AP1B1: variants seen among roughly 807,000 people sequenced by gnomAD.
AP1B1 encodes the protein adaptor related protein complex 1 subunit beta 1.
A neutral mutation model predicts 104.3 loss-of-function variants in AP1B1; 36 were observed. The observed-to-expected ratio is 0.35, with a 90% CI of 0.26 to 0.46. AP1B1 has a LOEUF of 0.46. Among genes scored for constraint, AP1B1 ranks in the 20% least tolerant of loss-of-function variants. AP1B1 has a pLI of 1.00. For missense variants in AP1B1, 901 were observed against 1,247.9 expected (o/e 0.72, Z 4.19); for synonymous variants, 504 against 517.5 (o/e 0.97, Z 0.35).
rs976283229 is a variant in AP1B1 at position 29,345,348 on chromosome 22, C to T, written c.1438-2965G>A. Among the ~76,000 whole-genome samples, 5 of 146,984 alleles carry T rather than the reference C, an allele frequency of 3.4e-5. No homozygotes were observed. In the Admixed American group the frequency reaches 3.4e-4, roughly 10 times the overall value. On this transcript the variant is annotated intron_variant, in intron 11 of 22. Coordinates refer to ENST00000357586, the MANE Select transcript of AP1B1 (RefSeq NM_001127.4). The stretch of plus-strand genomic sequence containing the variant: ...GCTGGGTTACAGGCATGAGCTGCTG[C>T]ACCCAGTTAACAAGTTTTGTTTTGT...
chr22:29,333,148 C>T (rs1424013675), intron 17 of AP1B1: 1 of 154,692 alleles, frequency 6.5e-6, no homozygotes, highest in Non-Finnish European at 1.5e-5. Context: ...GACCTACTGG[C>T]CCCCAGGCTT....
intron 11 of AP1B1, among the ~76,000 whole-genome samples, chr22:29,347,320 A>G (rs1400860062): frequency 1.3e-5 from 2 of 152,220 alleles, no homozygotes; most frequent in Admixed American, 1.3e-4. Flanking sequence ...AGTGTTTATT[A>G]TGGGCTGGCC....
chr22:29,366,293 A>C (rs1299897443), intron 2 of AP1B1, among the ~76,000 whole-genome samples: 2 of 152,222 alleles, frequency 1.3e-5, no homozygotes, highest in African/African-American at 4.8e-5. Context: ...AATTGTTGGG[A>C]AATGTTTATG....
intron 11 of AP1B1, among the ~76,000 whole-genome samples, 173 bp downstream of exon 11, chr22:29,349,045 G>A (rs368472475): frequency 7.9e-5 from 12 of 152,280 alleles, no homozygotes; most frequent in African/African-American, 1.7e-4. Flanking sequence ...TCCCCGACTC[G>A]ACTGTACTGC....
At chr22:29,354,477 C>T (rs373943038) in intron 7 of AP1B1, among the ~76,000 whole-genome samples, 173 bp downstream of exon 7, 56 of 152,284 alleles carry the variant, frequency 3.7e-4, no homozygotes, top group African/African-American at 1.3e-3. Flanking sequence ...TCTCCAGACA[C>T]CACCAAATAT....
chr22:29,362,516 T>C (rs1315589512), intron 3 of AP1B1, among the ~76,000 whole-genome samples: 1 of 152,020 alleles, frequency 6.6e-6, no homozygotes, highest in Non-Finnish European at 1.5e-5. Flanking sequence ...CCGGCTACTT[T>C]TTGTATTTTT....
Position 29,328,786 on chromosome 22 carries a change from C to A in AP1B1, c.*35G>T. The A allele has an allele frequency of 6.3e-7, 1 of 1,588,006 alleles. No individual in the cohort carries two copies. Among genetic ancestry groups the A allele is most frequent in the South Asian group, 1.1e-5 (1 of 86,966 alleles). On this transcript the variant is annotated 3_prime_UTR_variant, in exon 23 of 23. Coordinates refer to ENST00000357586, the MANE Select transcript of AP1B1 (RefSeq NM_001127.4). This position sits in a 1 kb window ranked among gnomAD's most constrained non-coding sequence, Gnocchi z 4.1. The stretch of plus-strand genomic sequence containing the variant: ...CCCCCGAGGGGCCTCCTCGATGGGG[C>A]GGGCAGAAGGCTGGGGTGGGCGCTG...
At chr22:29,338,207 T>C (rs2061665273) in intron 16 of AP1B1, among the ~76,000 whole-genome samples, 1 of 152,250 alleles carries the variant, frequency 6.6e-6, no homozygotes, top group African/African-American at 2.4e-5. Flanking sequence ...ATTTTCTGCA[T>C]GGTTTCAACA....
rs1210947816 is a variant in AP1B1 at position 29,350,040 on chromosome 22, G to A, written c.1266C>T (p.Pro422=). 1.2e-6 allele frequency: 2 copies of A among 1,613,798 alleles called. No individual in the cohort carries two copies. Among genetic ancestry groups the A allele is most frequent in the Non-Finnish European group, 1.7e-6 (2 of 1,179,768 alleles). ...VVIKDIFRKY[P]NKYESVIATL... The stretch of plus-strand genomic sequence containing the variant: ...CTAGGAGGGCGGGCACGCACTTGTT[G>A]GGGTACTTGCGGAAGATGTCCTTGA... Residue 422 remains proline (P), a synonymous_variant, in exon 10 of 23, where the codon CCC becomes CCT. Coordinates refer to ENST00000357586, the MANE Select transcript of AP1B1 (RefSeq NM_001127.4).
In AP1B1 at chr22:29,342,321, C is replaced by T. The variant is rs769984397; in HGVS notation, c.1500G>A (p.Gln500=). 55 of 1,614,026 alleles carry T rather than the reference C, an allele frequency of 3.4e-5. No individual in the cohort carries two copies. Among genetic ancestry groups the T allele is most frequent in the Non-Finnish European group, 4.5e-5 (53 of 1,180,026 alleles). ...KLFLKKPTET[Q]ELVQQVLSLA... Reference sequence around the variant, plus strand: ...AACTGAGGACCTGCTGCACCAGCTCCTGGGTCTCTGTTGGCTTCTTTAGAA... The same window carrying T: ...AACTGAGGACCTGCTGCACCAGCTCTTGGGTCTCTGTTGGCTTCTTTAGAA... Residue 500 remains glutamine (Q), a synonymous_variant, in exon 12 of 23, where the codon CAG becomes CAA. Coordinates refer to ENST00000357586, the MANE Select transcript of AP1B1 (RefSeq NM_001127.4).
chr22:29,354,444 C>G (rs770300439), intron 7 of AP1B1, among the ~76,000 whole-genome samples: 2 of 152,152 alleles, frequency 1.3e-5, no homozygotes, highest in Non-Finnish European at 2.9e-5. Context: ...AGCATGCCCC[C>G]CTCAGCTGTG....
chr22:29,376,112 G>T (rs1344863256), intron 1 of AP1B1, among the ~76,000 whole-genome samples: 1 of 152,008 alleles, frequency 6.6e-6, no homozygotes, highest in Admixed American at 6.5e-5. Context: ...TTTCCAAAGG[G>T]AAAAAAAGAG....
In AP1B1 at chr22:29,334,369, T is replaced by C. The variant is rs1602690876; in HGVS notation, c.2205A>G (p.Ser735=). 3 of 1,611,286 alleles carry C rather than the reference T, an allele frequency of 1.9e-6. No homozygotes were observed. The highest frequency in any genetic ancestry group is 4.5e-5 in the East Asian group (2 of 44,614). ...AGCCCACCTGGCGGGTGAAGGTGCCTGAGATCTCCAGCCCCTTAGCCTTCA... is the reference window on the plus strand; with the variant it reads ...AGCCCACCTGGCGGGTGAAGGTGCCCGAGATCTCCAGCCCCTTAGCCTTCA... The part of the protein sequence containing the change: ...PAMKAKGLEI[S]GTFTRQVGSI... The change falls in exon 17 of 23, where the codon TCA becomes TCG. Residue 735 remains serine (S), a synonymous_variant. Coordinates refer to ENST00000357586, the MANE Select transcript of AP1B1 (RefSeq NM_001127.4).
rs369326300 is a variant in AP1B1, at chr22:29,339,769, C to T, written c.2004G>A (p.Gly668=). The T allele has an allele frequency of 5.6e-6, 9 of 1,608,158 alleles. No homozygotes were observed. The Admixed American group carries it at 6.7e-5, about 12-fold the overall frequency. Residue 668 remains glycine (G), a synonymous_variant, in exon 15 of 23, where the codon GGG becomes GGA. Transcript: ENST00000357586. ...TGAACCATACCCCTTCAGGCTCATC[C>T]CCCATCTCCAAGCAGAAGCAGGCAG... The part of the protein sequence containing the change: ...LLGGGLDSLM[G]DEPEGIGGTN...
At chr22:29,366,692 C>T (rs1337241896) in intron 2 of AP1B1, among the ~76,000 whole-genome samples, 1 of 151,426 alleles carries the variant, frequency 6.6e-6, no homozygotes, top group African/African-American at 2.4e-5. Flanking sequence ...CCAGCAATTC[C>T]GGAGGCTGAG....
intron 11 of AP1B1, 56 bp downstream of exon 11, chr22:29,349,162 A>G: frequency 6.3e-7 from 1 of 1,592,130 alleles, no homozygotes; most frequent in East Asian, 2.2e-5. Context: ...AGTATGGGCC[A>G]CAGTGGGGCT....
At chr22:29,339,319 C>T (rs1454851382) in intron 15 of AP1B1, among the ~76,000 whole-genome samples, 186 bp from the exon 16 acceptor site, 1 of 152,132 alleles carries the variant, frequency 6.6e-6, no homozygotes, top group East Asian at 1.9e-4. Flanking sequence ...GCTGAGCCCT[C>T]CCGTGCCCTG....
chr22:29,378,791 G>A (rs1440060157), intron 1 of AP1B1, among the ~76,000 whole-genome samples: 1 of 148,584 alleles, frequency 6.7e-6, no homozygotes. Context: ...CTCAGGAGGC[G>A]GAGCTTGCAG....
chr22:29,343,990 A>C (rs2061751609), intron 11 of AP1B1, among the ~76,000 whole-genome samples: 1 of 151,976 alleles, frequency 6.6e-6, no homozygotes, highest in African/African-American at 2.4e-5. Flanking sequence ...AGGTACCTGT[A>C]ATCCCAGCTA....
Sources: allele counts gnomAD v4.1 joint callset (sites outside exome capture counted in the v4.1 genomes callset), GRCh38; gene constraint gnomAD v4.1.1; non-coding constraint Gnocchi (gnomAD v3.1); transcripts MANE v1.5; gene names NCBI Gene and HGNC (gene_info 2026-07-23, HGNC 2026-07-21).